Variants in DNAH6 observed in about 807,000 individuals in gnomAD.
The protein encoded by DNAH6 is dynein axonemal heavy chain 6, also known as axonemal beta dynein heavy chain 6.
DNAH6 carries 340 observed loss-of-function variants against 491.4 expected under a neutral mutation model. The observed-to-expected ratio is 0.69, with a 90% CI of 0.63 to 0.76. The LOEUF (loss-of-function observed/expected upper bound fraction) is 0.76. Among genes scored for constraint, DNAH6 ranks in the 30% least tolerant of loss-of-function variants. The pLI, the probability that DNAH6 is intolerant of heterozygous loss-of-function variation, is 0.00. For synonymous variants in DNAH6, 1,603 were observed against 1,686.1 expected (o/e 0.95, Z 1.21); for missense variants, 4,443 against 4,972.2 (o/e 0.89, Z 3.20).
intron 4 of DNAH6, among the ~76,000 whole-genome samples, chr2:84,540,972 A>G (rs145094559): frequency 6.4e-4 from 97 of 152,308 alleles, no homozygotes; most frequent in South Asian, 1.7e-3. Flanking sequence ...TTTATCTGAA[A>G]TGTAGGAATT....
At chr2:84,604,819 A>G (rs1477909405) in intron 19 of DNAH6, among the ~76,000 whole-genome samples, 1 of 152,182 alleles carries the variant, frequency 6.6e-6, no homozygotes, top group Non-Finnish European at 1.5e-5. Flanking sequence ...ACCAAGAATG[A>G]TCTTTTAAAC....
the DNAH6 span, among the ~76,000 whole-genome samples, chr2:84,486,085 G>A: frequency 1.3e-5 from 2 of 152,116 alleles, no homozygotes; most frequent in African/African-American, 4.8e-5. Context: ...TATCAACTTT[G>A]TGTGATAATA....
chr2:84,610,938 G>T (rs1185272529), intron 21 of DNAH6, among the ~76,000 whole-genome samples: 2 of 152,150 alleles, frequency 1.3e-5, no homozygotes, highest in Non-Finnish European at 2.9e-5. Flanking sequence ...CCCAGAGAAT[G>T]AATTGCTTGG....
At chr2:84,777,831 C>T in intron 64 of DNAH6, 2 of 1,197,562 alleles carry the variant, frequency 1.7e-6, no homozygotes, top group Non-Finnish European at 2.5e-6. Flanking sequence ...AAGATATCCA[C>T]TGGATTTGAA....
chr2:84,802,918 A>G (rs1187914899), intron 70 of DNAH6, among the ~76,000 whole-genome samples: 1 of 152,212 alleles, frequency 6.6e-6, no homozygotes, highest in African/African-American at 2.4e-5. Context: ...TCTCAAAACC[A>G]CACAAATGCA....
intron 62 of DNAH6, 86 bp from the exon 63 acceptor site, chr2:84,744,994 G>A (rs1672830975): frequency 1.1e-6 from 1 of 894,872 alleles, no homozygotes; most frequent in South Asian, 2.3e-5. Flanking sequence ...AGTAAATATA[G>A]AGATATTTTT....
chr2:84,659,373 T>A, intron 37 of DNAH6, among the ~76,000 whole-genome samples: 1 of 152,120 alleles, frequency 6.6e-6, no homozygotes, highest in Non-Finnish European at 1.5e-5. Flanking sequence ...ATTAAAAAAG[T>A]AAGATGTATA....
chr2:84,506,719 T>C, the DNAH6 span, among the ~76,000 whole-genome samples: 1 of 152,226 alleles, frequency 6.6e-6, no homozygotes. Flanking sequence ...TGTAAGTCTT[T>C]AACCATCTTG....
At chr2:84,642,203 T>C (rs1689480485) in intron 33 of DNAH6, 149 bp downstream of exon 33, 1 of 628,636 alleles carries the variant, frequency 1.6e-6, no homozygotes, top group Non-Finnish European at 2.8e-6. Flanking sequence ...AATACTCATT[T>C]AAAATGAAGA....
At chr2:84,765,528 A>G (rs540250985) in intron 64 of DNAH6, among the ~76,000 whole-genome samples, 57 of 152,194 alleles carry the variant, frequency 3.7e-4, no homozygotes, top group African/African-American at 1.3e-3. Flanking sequence ...TTCGCTTAGG[A>G]AAATTCGTGG....
In DNAH6 at chr2:84,738,376, C is replaced by T. The variant is rs567972222; in HGVS notation, c.10342+4797C>T. ...GTCTATTAGGTCCAAATGGTCATGT[C>T]GAATTTATGTCCAGAATTGGTCAAT... On this transcript the variant is annotated intron_variant, in intron 62 of 76. Coordinates refer to ENST00000389394, the MANE Select transcript of DNAH6 (RefSeq NM_001370.2). 2.2e-4 allele frequency among the ~76,000 whole-genome samples: 34 copies of T among 151,940 alleles called. 1 individual carries two copies. In the South Asian group the frequency reaches 7.1e-3, roughly 32 times the overall value.
At chr2:84,627,634 T>A (rs532535604) in intron 29 of DNAH6, among the ~76,000 whole-genome samples, 1 of 152,342 alleles carries the variant, frequency 6.6e-6, no homozygotes, top group African/African-American at 2.4e-5. Flanking sequence ...TGTGTCTAGA[T>A]GAAATAATTT....
intron 57 of DNAH6, among the ~76,000 whole-genome samples, chr2:84,715,243 A>C (rs547493173): frequency 1.3e-5 from 2 of 152,312 alleles, no homozygotes; most frequent in Admixed American, 1.3e-4. Flanking sequence ...TAAAGGGTGC[A>C]GCTCAAATCT....
intron 4 of DNAH6, among the ~76,000 whole-genome samples, chr2:84,543,174 A>G (rs1348839946): frequency 1.3e-5 from 2 of 152,116 alleles, no homozygotes; most frequent in Non-Finnish European, 1.5e-5. Flanking sequence ...TAATCATAAT[A>G]ATAGTAGTAA....
At chr2:84,555,764 C>A (rs1679961368) in intron 10 of DNAH6, among the ~76,000 whole-genome samples, 1 of 152,142 alleles carries the variant, frequency 6.6e-6, no homozygotes, top group South Asian at 2.1e-4. Context: ...CCCAAGACAG[C>A]AATCTGAGAG....
At chr2:84,752,998 TG>T (rs1440601186) in intron 63 of DNAH6, among the ~76,000 whole-genome samples, 3 of 152,358 alleles carry the variant, frequency 2.0e-5, no homozygotes, top group African/African-American at 7.2e-5. Context: ...CCTAAAAGGC[TG>T]TATCATTTTA....
chr2:84,700,120 T>C (rs1193235200), intron 48 of DNAH6, among the ~76,000 whole-genome samples: 1 of 152,116 alleles, frequency 6.6e-6, no homozygotes, highest in Non-Finnish European at 1.5e-5. Context: ...AAGAGAGAAG[T>C]ATTTTTAAAT....
At chr2:84,712,925 G>A (rs1361646748) in intron 56 of DNAH6, among the ~76,000 whole-genome samples, 170 bp from the exon 57 acceptor site, 1 of 152,184 alleles carries the variant, frequency 6.6e-6, no homozygotes, top group Non-Finnish European at 1.5e-5. Context: ...ATGCTTACTG[G>A]AAAATAGGTA....
At chr2:84,534,498 A>G (rs890410508) in intron 4 of DNAH6, among the ~76,000 whole-genome samples, 1 of 152,044 alleles carries the variant, frequency 6.6e-6, no homozygotes, top group African/African-American at 2.4e-5. Flanking sequence ...CACTTCCTTT[A>G]GGTTTCTAAG....
Sources: allele counts gnomAD v4.1 joint callset (sites outside exome capture counted in the v4.1 genomes callset), GRCh38; gene constraint gnomAD v4.1.1; transcripts MANE v1.5; gene names NCBI Gene and HGNC (gene_info 2026-07-23, HGNC 2026-07-21).